KCNIP4: variants seen among roughly 807,000 people sequenced by gnomAD.
KCNIP4 encodes Kv channel-interacting protein 4.
In KCNIP4, 12 loss-of-function variants were observed where a neutral mutation model predicts 34.0. That is an observed-to-expected ratio of 0.35 (90% CI 0.23 to 0.57). KCNIP4 has a LOEUF of 0.57. Among genes scored for constraint, KCNIP4 ranks in the 20% least tolerant of loss-of-function variants. KCNIP4 has a pLI of 0.83. For missense variants in KCNIP4, 238 were observed against 311.7 expected (o/e 0.76, Z 1.78); for synonymous variants, 124 against 102.2 (o/e 1.21, Z -1.29).
intron 1 of KCNIP4, among the ~76,000 whole-genome samples, chr4:21,774,547 G>A (rs559984606): frequency 5.2e-4 from 79 of 152,192 alleles, no homozygotes; most frequent in Non-Finnish European, 7.2e-4. Flanking sequence ...GCTTGTTTCC[G>A]TTCTCCCTGT....
At chr4:20,923,729 C>G (rs1729629658) in intron 1 of KCNIP4, among the ~76,000 whole-genome samples, 1 of 152,110 alleles carries the variant, frequency 6.6e-6, no homozygotes, top group Non-Finnish European at 1.5e-5. Context: ...CCGATTTAAG[C>G]CTTCTTGTTT....
At chr4:21,620,331 G>A (rs1744915277) in intron 1 of KCNIP4, among the ~76,000 whole-genome samples, 1 of 151,982 alleles carries the variant, frequency 6.6e-6, no homozygotes, top group Admixed American at 6.5e-5. Context: ...GCAAAACCCT[G>A]TCTCTACAAA....
At chr4:20,886,138 G>T (rs745671229) in intron 1 of KCNIP4, among the ~76,000 whole-genome samples, 3 of 152,196 alleles carry the variant, frequency 2.0e-5, no homozygotes, top group South Asian at 2.1e-4. Flanking sequence ...TACTGGATAT[G>T]CTATACCACT....
At chr4:21,088,749 T>C (rs1253088362) in intron 1 of KCNIP4, among the ~76,000 whole-genome samples, 1 of 152,098 alleles carries the variant, frequency 6.6e-6, no homozygotes, top group Non-Finnish European at 1.5e-5. Context: ...TGTTTTGCCT[T>C]CTCTCCCTAG....
chr4:21,265,775 T>A (rs1463771722), intron 1 of KCNIP4, among the ~76,000 whole-genome samples: 1 of 152,168 alleles, frequency 6.6e-6, no homozygotes, highest in East Asian at 1.9e-4. Flanking sequence ...ACTTAAACAA[T>A]CACTGTTTGT....
Position 20,728,850 on chromosome 4 carries a change from A to C in KCNIP4, c.*1232T>G, listed in dbSNP as rs114494681. 8 of 152,514 alleles carry C rather than the reference A, an allele frequency of 5.2e-5. No homozygotes were observed. The highest frequency in any genetic ancestry group is 1.0e-4 in the Non-Finnish European group (7 of 68,014). The allele number at this position is 152,514 out of a possible 1,614,324, so 9.4% of individuals were successfully genotyped here. ...CTTCTGTAGCCTCTTGGTCTTTGTGATATTTCTACAAAACAGGGACGATGT... is the reference window on the plus strand; with the variant it reads ...CTTCTGTAGCCTCTTGGTCTTTGTGCTATTTCTACAAAACAGGGACGATGT... On this transcript the variant is annotated 3_prime_UTR_variant, in exon 9 of 9. Coordinates refer to ENST00000382152, the MANE Select transcript of KCNIP4 (RefSeq NM_025221.6).
chr4:21,942,040 G>A (rs1730232122), intron 1 of KCNIP4, among the ~76,000 whole-genome samples: 4 of 152,140 alleles, frequency 2.6e-5, no homozygotes. Context: ...CAAAGGAGCT[G>A]AACTTCTGCT....
chr4:21,610,115 G>A (rs1326715548), intron 1 of KCNIP4, among the ~76,000 whole-genome samples: 3 of 152,242 alleles, frequency 2.0e-5, no homozygotes, highest in Non-Finnish European at 4.4e-5. Context: ...TTCAGTGGCA[G>A]GTTATAACAG....
chr4:21,427,587 T>G (rs958270274), intron 1 of KCNIP4, among the ~76,000 whole-genome samples: 6 of 152,052 alleles, frequency 3.9e-5, no homozygotes, highest in Non-Finnish European at 5.9e-5. Context: ...TGAGCAAGGG[T>G]AACTCGAAGG....
chr4:20,882,753 G>T, intron 1 of KCNIP4, 44 bp from the exon 2 acceptor site: 2 of 1,459,418 alleles, frequency 1.4e-6, no homozygotes, highest in Non-Finnish European at 1.9e-6. Context: ...TCTGCAGAGA[G>T]AAAAGGGACG....
intron 1 of KCNIP4, chr4:21,849,076 A>G (rs909877420): frequency 6.6e-6 from 1 of 152,086 alleles, no homozygotes; most frequent in Non-Finnish European, 1.5e-5. Context: ...TCTAAGAGAA[A>G]CAAAATAAAA....
chr4:21,176,942 T>A (rs1754457419), intron 1 of KCNIP4, among the ~76,000 whole-genome samples: 1 of 152,252 alleles, frequency 6.6e-6, no homozygotes, highest in African/African-American at 2.4e-5. Flanking sequence ...TATCTAATAC[T>A]GTTGCTGATA....
intron 1 of KCNIP4, among the ~76,000 whole-genome samples, chr4:21,235,838 C>A (rs79543136): frequency 0.013 from 2,043 of 152,208 alleles, 51 homozygotes; most frequent in African/African-American, 0.047. Context: ...TATCCATTAT[C>A]CTGGGGCCTC....
intron 1 of KCNIP4, among the ~76,000 whole-genome samples, chr4:21,297,970 C>T (rs575552424): frequency 2.3e-4 from 35 of 152,096 alleles, no homozygotes; most frequent in African/African-American, 7.5e-4. Flanking sequence ...TTTGGATTGG[C>T]GCTACAATAA....
chr4:21,547,319 A>T lies in KCNIP4; in HGVS notation c.61+401252T>A, dbSNP rs928661977. Among the ~76,000 whole-genome samples, 8 of 152,132 alleles carry T rather than the reference A, an allele frequency of 5.3e-5. No homozygotes were observed. The South Asian group carries it at 1.0e-3, about 20-fold the overall frequency. ...ACTAATACAACAAAGAAAAGAAGGA[A>T]AAAATCTTCAGATACAGAATTATGT... On this transcript the variant is annotated intron_variant, in intron 1 of 8. Transcript: ENST00000382152.
intron 1 of KCNIP4, chr4:21,613,210 C>T (rs1220412784): frequency 6.6e-6 from 1 of 152,178 alleles, no homozygotes; most frequent in Non-Finnish European, 1.5e-5. Context: ...AGCCTACTAC[C>T]ACATTCAATA....
At chr4:20,961,903 C>T (rs1733886935) in intron 1 of KCNIP4, among the ~76,000 whole-genome samples, 1 of 152,182 alleles carries the variant, frequency 6.6e-6, no homozygotes, top group Admixed American at 6.5e-5. Context: ...TGTGCATTAA[C>T]TCATAATACT....
At chr4:20,792,503 T>C (rs75009598) in intron 3 of KCNIP4, among the ~76,000 whole-genome samples, 443 of 152,212 alleles carry the variant, frequency 2.9e-3, no homozygotes, top group Non-Finnish European at 5.2e-3. Flanking sequence ...AAGGCAATGA[T>C]TGTCAGACTG....
intron 1 of KCNIP4, among the ~76,000 whole-genome samples, chr4:21,059,321 T>C (rs566029461): frequency 1.3e-5 from 2 of 152,300 alleles, no homozygotes; most frequent in Admixed American, 1.3e-4. Context: ...TCCTGAATGC[T>C]GAACTTCTGG....
Sources: gnomAD v4.1 joint callset for allele counts (sites outside exome capture counted in the v4.1 genomes callset) on GRCh38, gnomAD v4.1.1 for gene constraint, MANE v1.5 for transcripts, NCBI Gene and HGNC (gene_info 2026-07-23, HGNC 2026-07-21) for gene names.